The following SORCS3 variants were observed in gnomAD, a reference collection of about 807,000 sequenced individuals.
SORCS3 encodes the protein VPS10 domain-containing receptor SorCS3.
In SORCS3, 57 loss-of-function variants were observed where a neutral mutation model predicts 146.3. The ratio of observed to expected loss-of-function variants is 0.39; its 90% confidence interval spans 0.31 to 0.49. The LOEUF is 0.49. Among genes scored for constraint, SORCS3 ranks in the 20% least tolerant of loss-of-function variants. SORCS3 has a pLI of 0.92. For missense variants in SORCS3, 1,341 were observed against 1,575.5 expected (o/e 0.85, Z 2.52); for synonymous variants, 653 against 618.5 (o/e 1.06, Z -0.83).
intron 1 of SORCS3, among the ~76,000 whole-genome samples, chr10:104,703,711 G>GTT (rs11338927): frequency 0.04 from 5,455 of 135,318 alleles, 161 homozygotes; most frequent in African/African-American, 0.067. Context: ...CATGTATCCT[G>GTT]TTTTTTTTTT....
chr10:105,060,503 A>G (rs1224256303), intron 5 of SORCS3, among the ~76,000 whole-genome samples: 1 of 152,146 alleles, frequency 6.6e-6, no homozygotes. Context: ...TCATTTTTAC[A>G]GCAGGGTGAA....
chr10:105,165,788 C>T (rs552031085), intron 12 of SORCS3, among the ~76,000 whole-genome samples: 3 of 152,264 alleles, frequency 2.0e-5, no homozygotes, highest in Middle Eastern at 3.4e-3. Context: ...ACTTGACCAA[C>T]GTTGTCACTA....
intron 1 of SORCS3, among the ~76,000 whole-genome samples, chr10:104,765,366 G>A (rs1279927365): frequency 1.3e-5 from 2 of 152,240 alleles, no homozygotes; most frequent in South Asian, 2.1e-4. Context: ...TTACAAAGCT[G>A]TATGGTCGTG....
At chr10:104,934,614 C>T (rs2019241642) in intron 3 of SORCS3, among the ~76,000 whole-genome samples, 1 of 152,142 alleles carries the variant, frequency 6.6e-6, no homozygotes. Flanking sequence ...TTTATCCATA[C>T]CTCTTGTATT....
intron 1 of SORCS3, among the ~76,000 whole-genome samples, chr10:104,737,376 C>T (rs1385542090): frequency 6.6e-6 from 1 of 152,148 alleles, no homozygotes; most frequent in Non-Finnish European, 1.5e-5. Flanking sequence ...AATGGTTGAA[C>T]TAGTTTACAG....
chr10:105,086,446 G>GGT (rs1554875964), intron 5 of SORCS3, among the ~76,000 whole-genome samples: 16,411 of 152,046 alleles, frequency 0.11, 989 homozygotes, highest in East Asian at 0.17. Flanking sequence ...AGTGTGAGCT[G>GGT]GTGACGAGGG....
intron 2 of SORCS3, among the ~76,000 whole-genome samples, chr10:104,861,432 G>A (rs985994362): frequency 3.3e-5 from 5 of 152,146 alleles, no homozygotes; most frequent in East Asian, 1.9e-4. Context: ...GTAAAGTGTT[G>A]GAACAGTGAT....
In SORCS3 at chr10:105,186,126, C is replaced by T. The variant is rs529632198; in HGVS notation, c.2009+7953C>T. On this transcript the variant is annotated intron_variant, in intron 14 of 26. Transcript: ENST00000369701. ...TCCAGGTACATACATGGAAGAAGTT[C>T]TCTGAGTTGCAAGCCAGAAGTGGAA... is the stretch of plus-strand genomic sequence containing the variant. Among the ~76,000 whole-genome samples, 103 of 152,288 alleles carry T rather than the reference C, an allele frequency of 6.8e-4. 4 individuals carry two copies. In the South Asian group the frequency reaches 0.02, roughly 30 times the overall value.
chr10:104,840,080 T>C (rs2496013), intron 1 of SORCS3, among the ~76,000 whole-genome samples: 126,936 of 152,142 alleles, frequency 0.83, 53,424 homozygotes, highest in East Asian at 0.97. Context: ...GAGCAGCTTT[T>C]GTGGGGTGTG....
intron 24 of SORCS3, 141 bp from the exon 25 acceptor site, chr10:105,256,678 C>T: frequency 1.6e-6 from 1 of 641,714 alleles, no homozygotes; most frequent in South Asian, 2.0e-5. Context: ...ACTTTCTGCA[C>T]CCAGATATCA....
intron 4 of SORCS3, among the ~76,000 whole-genome samples, chr10:105,039,700 C>T (rs969603671): frequency 1.3e-5 from 2 of 152,028 alleles, no homozygotes; most frequent in African/African-American, 2.4e-5. Context: ...TGGGATCCAC[C>T]TGCCTCAGCC....
intron 1 of SORCS3, among the ~76,000 whole-genome samples, chr10:104,777,760 G>A (rs1228579777): frequency 1.3e-5 from 2 of 152,172 alleles, no homozygotes; most frequent in Non-Finnish European, 2.9e-5. Flanking sequence ...GTCGGGGGTA[G>A]TGTATTTGAA....
intron 1 of SORCS3, among the ~76,000 whole-genome samples, chr10:104,787,526 T>C (rs2017452437): frequency 6.6e-6 from 1 of 152,114 alleles, no homozygotes; most frequent in Non-Finnish European, 1.5e-5. Flanking sequence ...TGAGCTGGTC[T>C]GTTAGTTTGT....
intron 2 of SORCS3, among the ~76,000 whole-genome samples, chr10:104,890,490 G>A (rs1208591176): frequency 6.6e-6 from 1 of 151,780 alleles, no homozygotes; most frequent in East Asian, 1.9e-4. Context: ...CCCTTTTAGT[G>A]TACTTTTCAT....
chr10:104,784,660 A>C (rs559407879), intron 1 of SORCS3, among the ~76,000 whole-genome samples: 2 of 152,274 alleles, frequency 1.3e-5, no homozygotes, highest in South Asian at 4.2e-4. Context: ...GCTGGGATGA[A>C]AGGCCCCTTC....
chr10:105,245,066 CAAA>C (rs3043042), intron 20 of SORCS3, among the ~76,000 whole-genome samples: 3 of 99,782 alleles, frequency 3.0e-5, no homozygotes, highest in Non-Finnish European at 3.9e-5. Context: ...AAGACTCTGT[CAAA>C]AAAAAAAAAA....
intron 1 of SORCS3, among the ~76,000 whole-genome samples, chr10:104,687,873 T>C (rs745914564): frequency 1.1e-4 from 17 of 152,138 alleles, no homozygotes; most frequent in Non-Finnish European, 1.8e-4. Flanking sequence ...TGAAAACATA[T>C]GGTTTTCATG....
At chr10:104,794,301 A>G (rs2017526761) in intron 1 of SORCS3, among the ~76,000 whole-genome samples, 1 of 152,180 alleles carries the variant, frequency 6.6e-6, no homozygotes, top group Admixed American at 6.5e-5. Context: ...TGGAATGAAG[A>G]ATGAGATACT....
chr10:104,869,007 A>G (rs2018488955), intron 2 of SORCS3, among the ~76,000 whole-genome samples: 1 of 152,152 alleles, frequency 6.6e-6, no homozygotes, highest in Non-Finnish European at 1.5e-5. Context: ...AAAACTAATC[A>G]GATTAGAGAG....
Sources: allele counts gnomAD v4.1 joint callset (sites outside exome capture counted in the v4.1 genomes callset), GRCh38; gene constraint gnomAD v4.1.1; transcripts MANE v1.5; gene names NCBI Gene and HGNC (gene_info 2026-07-23, HGNC 2026-07-21).